The following MAPK10 variants were observed in gnomAD, a reference collection of about 807,000 sequenced individuals.
The protein encoded by MAPK10 is JNK3 alpha protein kinase.
MAPK10 carries 25 observed loss-of-function variants against 59.3 expected under a neutral mutation model. The observed-to-expected ratio is 0.42, with a 90% confidence interval of 0.31 to 0.59. MAPK10 has a LOEUF of 0.59. Among genes scored for constraint, MAPK10 ranks in the 20% least tolerant of loss-of-function variants. The probability of loss-of-function intolerance (pLI) is 0.15; values close to 1 mark genes in which losing one functional copy is unlikely to be tolerated. For synonymous variants in MAPK10, 190 were observed against 200.5 expected (o/e 0.95, Z 0.44); for missense variants, 351 against 568.9 (o/e 0.62, Z 3.90).
At chr4:86,045,219 C>T (rs192657263) in intron 11 of MAPK10, among the ~76,000 whole-genome samples, 1 of 152,136 alleles carries the variant, frequency 6.6e-6, no homozygotes, top group East Asian at 1.9e-4. Context: ...GTAATCATGT[C>T]TTGAAAATGA....
chr4:86,284,853 C>T (rs1338554856), intron 2 of MAPK10, among the ~76,000 whole-genome samples: 1 of 152,132 alleles, frequency 6.6e-6, no homozygotes, highest in East Asian at 1.9e-4. Flanking sequence ...TTATGAATCC[C>T]TTGTGAGTAG....
chr4:86,461,804 A>T (rs1260318579), intron 1 of MAPK10, among the ~76,000 whole-genome samples: 1 of 152,162 alleles, frequency 6.6e-6, no homozygotes, highest in East Asian at 1.9e-4. Context: ...ACACTGGGCA[A>T]AAAGTAGTTG....
At chr4:86,261,031 C>T (rs965162488) in intron 2 of MAPK10, among the ~76,000 whole-genome samples, 8 of 152,096 alleles carry the variant, frequency 5.3e-5, no homozygotes, top group Non-Finnish European at 1.0e-4. Flanking sequence ...AAAGGAGAAG[C>T]AATTAACCTT....
At chr4:86,467,665 A>G (rs1421479913) in intron 1 of MAPK10, among the ~76,000 whole-genome samples, 1 of 152,144 alleles carries the variant, frequency 6.6e-6, no homozygotes, top group African/African-American at 2.4e-5. Context: ...GATTACAGGC[A>G]TGTGCCACCA....
chr4:86,348,817 C>A (rs977171687), intron 2 of MAPK10, among the ~76,000 whole-genome samples: 1 of 152,028 alleles, frequency 6.6e-6, no homozygotes, highest in African/African-American at 2.4e-5. Flanking sequence ...TGGTAAGTTG[C>A]ACTCTCTTTC....
intron 9 of MAPK10, 130 bp downstream of exon 9, chr4:86,098,394 C>CT (rs947714545): frequency 2.2e-6 from 3 of 1,383,864 alleles, no homozygotes; most frequent in Non-Finnish European, 2.9e-6. Flanking sequence ...GAAATTATCA[C>CT]TTTTTTATTA....
intron 9 of MAPK10, among the ~76,000 whole-genome samples, chr4:86,090,009 G>A (rs1410503697): frequency 1.3e-5 from 2 of 152,082 alleles, no homozygotes; most frequent in Non-Finnish European, 2.9e-5. Flanking sequence ...AAGAAACCTG[G>A]AATTCAAGGT....
At chr4:86,220,807 C>CTTTT (rs3971920) in intron 2 of MAPK10, among the ~76,000 whole-genome samples, 12,882 of 152,126 alleles carry the variant, frequency 0.085, 1,196 homozygotes, top group African/African-American at 0.23. Context: ...GCAAAAGTCT[C>CTTTT]TTGTTTATTT....
intron 9 of MAPK10, among the ~76,000 whole-genome samples, chr4:86,084,969 A>T (rs2051451884): frequency 6.6e-6 from 1 of 152,194 alleles, no homozygotes; most frequent in South Asian, 2.1e-4. Flanking sequence ...CTCATTTTCA[A>T]CAAAGGTGCC....
intron 1 of MAPK10, among the ~76,000 whole-genome samples, chr4:86,396,645 G>A (rs1030475609): frequency 1.3e-5 from 2 of 152,158 alleles, no homozygotes; most frequent in East Asian, 3.9e-4. Context: ...GAAACATGGC[G>A]CCAGCATCTG....
intron 2 of MAPK10, among the ~76,000 whole-genome samples, chr4:86,312,564 T>G (rs1441584292): frequency 1.3e-5 from 2 of 152,052 alleles, no homozygotes; most frequent in Non-Finnish European, 2.9e-5. Context: ...AAATTTAAGG[T>G]TTTTCACATA....
At chr4:86,281,489 A>G (rs534534234) in intron 2 of MAPK10, among the ~76,000 whole-genome samples, 1 of 151,086 alleles carries the variant, frequency 6.6e-6, no homozygotes. Flanking sequence ...GTGACAGAGC[A>G]AGACCCCCTC....
intron 1 of MAPK10, among the ~76,000 whole-genome samples, chr4:86,424,472 T>G (rs115699272): frequency 4.6e-5 from 7 of 152,258 alleles, no homozygotes; most frequent in Non-Finnish European, 1.0e-4. Flanking sequence ...ATTACGGACA[T>G]GAGCCACCGT....
At chr4:86,073,547 C>T (rs1332218161) in intron 9 of MAPK10, among the ~76,000 whole-genome samples, 6 of 111,868 alleles carry the variant, frequency 5.4e-5, no homozygotes, top group Admixed American at 5.3e-4. Context: ...ATAAATTTCC[C>T]TCTACACACT....
At chr4:86,107,841 C>T (rs1385435952) in intron 4 of MAPK10, among the ~76,000 whole-genome samples, 1 of 151,920 alleles carries the variant, frequency 6.6e-6, no homozygotes, top group African/African-American at 2.4e-5. Context: ...TTTCTATACC[C>T]ATTCACAAGA....
intron 2 of MAPK10, among the ~76,000 whole-genome samples, chr4:86,250,945 C>A (rs10516770): frequency 0.15 from 22,508 of 151,970 alleles, 3,106 homozygotes; most frequent in African/African-American, 0.36. Flanking sequence ...CTCAATCATG[C>A]AGTTAAAGTG....
intron 11 of MAPK10, among the ~76,000 whole-genome samples, chr4:86,033,291 G>T (rs1051942636): frequency 6.6e-6 from 1 of 152,208 alleles, no homozygotes; most frequent in Admixed American, 6.5e-5. Flanking sequence ...TAATGCTGTG[G>T]TTAGGCCGCT....
intron 2 of MAPK10, among the ~76,000 whole-genome samples, chr4:86,299,163 C>T (rs991961773): frequency 6.6e-6 from 1 of 152,008 alleles, no homozygotes; most frequent in Non-Finnish European, 1.5e-5. Flanking sequence ...GTAAAAAAAG[C>T]CTTGTTTTGC....
intron 1 of MAPK10, among the ~76,000 whole-genome samples, chr4:86,550,396 A>AAC (rs1759676786): frequency 4.1e-5 from 5 of 121,216 alleles, no homozygotes; most frequent in Admixed American, 3.5e-4. Context: ...AAAAAAAAAA[A>AAC]AAAAAAAAAA....
Sources: allele counts gnomAD v4.1 joint callset (sites outside exome capture counted in the v4.1 genomes callset), GRCh38; gene constraint gnomAD v4.1.1; transcripts MANE v1.5; gene names NCBI Gene and HGNC (gene_info 2026-07-23, HGNC 2026-07-21).